FMN1: variants seen among roughly 807,000 people sequenced by gnomAD.
FMN1 encodes the protein formin-1.
Under a neutral mutation model 132.4 loss-of-function variants are expected in FMN1, and 110 were observed. The observed-to-expected ratio is 0.83, with a 90% CI of 0.71 to 0.97. The LOEUF (loss-of-function observed/expected upper bound fraction) is 0.97, where lower values mean the gene tolerates loss of function less well. Among genes scored for constraint, FMN1 ranks in the 50% least tolerant of loss-of-function variants. The pLI is 0.00. For missense variants in FMN1, 1,792 were observed against 1,705.3 expected (o/e 1.05, Z -0.90); for synonymous variants, 722 against 651.7 (o/e 1.11, Z -1.64).
intron 3 of FMN1, among the ~76,000 whole-genome samples, chr15:33,167,257 T>A (rs1965145527): frequency 6.6e-6 from 1 of 152,100 alleles, no homozygotes; most frequent in African/African-American, 2.4e-5. Flanking sequence ...AATGAGTAAG[T>A]CTCATGAGAT....
chr15:32,777,506 A>ATT (rs2056465060), intron 19 of FMN1, among the ~76,000 whole-genome samples: 11 of 122,114 alleles, frequency 9.0e-5, no homozygotes, highest in South Asian at 2.6e-4. Context: ...CGTATAACAT[A>ATT]TAACACATTT....
chr15:33,033,962 C>T (rs1367062896), intron 6 of FMN1, among the ~76,000 whole-genome samples: 1 of 152,078 alleles, frequency 6.6e-6, no homozygotes, highest in Non-Finnish European at 1.5e-5. Context: ...TGGAGGCTTT[C>T]TCATTTCTCC....
At position 32,804,234 on chromosome 15, in the gene FMN1, G is replaced by A. The variant is rs1465811008; in HGVS notation, c.3980+47C>T. ...TGCACTTCATAATAATAATACAAAA[G>A]AATGGCTAGTCAAAGAAAGAACTGG... On this transcript the variant is annotated intron_variant, in intron 18 of 20. Transcript: ENST00000616417. 7 of 1,337,320 alleles carry A rather than the reference G, an allele frequency of 5.2e-6. No individual in the cohort carries two copies. The Admixed American group carries it at 1.1e-4, about 20-fold the overall frequency. 82.8% of individuals were successfully genotyped at this position (1,337,320 alleles called of 1,614,324 possible). A position where few individuals can be genotyped will look rare whatever the true frequency, so the allele number is the denominator to read the frequency against.
At chr15:33,025,091 A>C (rs1285748886) in intron 6 of FMN1, among the ~76,000 whole-genome samples, 1 of 152,130 alleles carries the variant, frequency 6.6e-6, no homozygotes, top group Non-Finnish European at 1.5e-5. Context: ...ATTTTACCCA[A>C]GTGGCTGGGG....
intron 5 of FMN1, among the ~76,000 whole-genome samples, chr15:33,087,954 C>G (rs577160304): frequency 2.0e-5 from 3 of 152,162 alleles, no homozygotes; most frequent in African/African-American, 7.2e-5. Context: ...TAAAGTAACT[C>G]AGGAATGGAA....
At chr15:33,048,800 A>G (rs2036835436) in intron 6 of FMN1, among the ~76,000 whole-genome samples, 1 of 151,980 alleles carries the variant, frequency 6.6e-6, no homozygotes, top group Non-Finnish European at 1.5e-5. Context: ...AAACCATCAG[A>G]TTTCATGAGA....
intron 4 of FMN1, among the ~76,000 whole-genome samples, chr15:33,121,164 G>GA (rs1450845819): frequency 2.6e-5 from 4 of 152,150 alleles, no homozygotes; most frequent in African/African-American, 9.7e-5. Flanking sequence ...CAAGGACTTA[G>GA]ATCAACAACA....
intron 17 of FMN1, among the ~76,000 whole-genome samples, chr15:32,832,088 G>A (rs916960860): frequency 1.3e-5 from 2 of 152,098 alleles, no homozygotes; most frequent in Admixed American, 1.3e-4. Flanking sequence ...CTCAGGCTTT[G>A]AATGTTTTAA....
intron 5 of FMN1, among the ~76,000 whole-genome samples, chr15:33,082,005 CAAG>C (rs1166464640): frequency 4.2e-5 from 6 of 144,416 alleles, no homozygotes; most frequent in African/African-American, 1.4e-4. Flanking sequence ...CCAGAATCAA[CAAG>C]AAGAGTTCAG....
chr15:33,147,182 A>AG (rs1566951679), intron 4 of FMN1, among the ~76,000 whole-genome samples: 1 of 151,474 alleles, frequency 6.6e-6, no homozygotes, highest in Admixed American at 6.6e-5. Context: ...AAAAAAAAAA[A>AG]GAAATAAAAC....
At chr15:33,113,884 T>C (rs1379259025) in intron 4 of FMN1, among the ~76,000 whole-genome samples, 1 of 152,202 alleles carries the variant, frequency 6.6e-6, no homozygotes, top group African/African-American at 2.4e-5. Context: ...GGAAACTGCT[T>C]CTACTGTTCC....
intron 10 of FMN1, among the ~76,000 whole-genome samples, chr15:32,915,764 C>T (rs367875150): frequency 2.8e-3 from 421 of 152,346 alleles, no homozygotes; most frequent in African/African-American, 9.1e-3. Flanking sequence ...CTCATTGCTA[C>T]TGCAATATCA....
intron 4 of FMN1, among the ~76,000 whole-genome samples, chr15:33,128,404 T>C (rs994294097): frequency 5.9e-5 from 9 of 152,188 alleles, no homozygotes; most frequent in African/African-American, 1.2e-4. Flanking sequence ...CCGCCATTTG[T>C]TCATCAACAA....
chr15:32,815,384 A>C (rs1338664999), intron 17 of FMN1, among the ~76,000 whole-genome samples: 1 of 152,174 alleles, frequency 6.6e-6, no homozygotes, highest in Non-Finnish European at 1.5e-5. Flanking sequence ...TTAATGGAAG[A>C]AAAAGTTCTC....
At chr15:32,890,682 T>A (rs1274578464) in intron 15 of FMN1, among the ~76,000 whole-genome samples, 1 of 152,226 alleles carries the variant, frequency 6.6e-6, no homozygotes, top group African/African-American at 2.4e-5. Context: ...ATGTATAGAT[T>A]GTAAAGATTT....
intron 17 of FMN1, among the ~76,000 whole-genome samples, chr15:32,823,614 G>A (rs1309230784): frequency 6.6e-6 from 1 of 152,126 alleles, no homozygotes; most frequent in Non-Finnish European, 1.5e-5. Context: ...TACATTCTAT[G>A]ACAGTTCTTA....
intron 7 of FMN1, among the ~76,000 whole-genome samples, chr15:32,978,633 G>C (rs1040807266): frequency 9.9e-5 from 15 of 152,188 alleles, no homozygotes; most frequent in African/African-American, 3.6e-4. Flanking sequence ...ACACATTCTA[G>C]AGTATATGCA....
intron 9 of FMN1, among the ~76,000 whole-genome samples, chr15:32,928,279 CAG>C (rs1216110368): frequency 6.7e-6 from 1 of 149,442 alleles, no homozygotes; most frequent in Non-Finnish European, 1.5e-5. Context: ...GAGTTTTAAA[CAG>C]AAATAGAGAA....
intron 7 of FMN1, among the ~76,000 whole-genome samples, chr15:32,993,988 C>G (rs1450607716): frequency 6.6e-6 from 1 of 152,010 alleles, no homozygotes; most frequent in African/African-American, 2.4e-5. Context: ...TAGATTCTAA[C>G]TGTTCTGAAG....
Sources: gnomAD v4.1 joint callset for allele counts (sites outside exome capture counted in the v4.1 genomes callset) on GRCh38, gnomAD v4.1.1 for gene constraint, MANE v1.5 for transcripts, NCBI Gene and HGNC (gene_info 2026-07-23, HGNC 2026-07-21) for gene names.